SCD5: variants seen among roughly 807,000 people sequenced by gnomAD.
SCD5 encodes the protein acyl-CoA-desaturase 4.
Under a neutral mutation model 30.4 loss-of-function variants are expected in SCD5, and 20 were observed. The ratio of observed to expected loss-of-function variants is 0.66; its 90% CI spans 0.46 to 0.96. The LOEUF (loss-of-function observed/expected upper bound fraction) is 0.96. Ranked by LOEUF, SCD5 falls within the 40% of genes least tolerant of loss-of-function variation. The pLI, the probability that SCD5 is intolerant of heterozygous loss-of-function variation, is 0.00. For missense variants in SCD5, 381 were observed against 443.3 expected (o/e 0.86, Z 1.26); for synonymous variants, 173 against 176.4 (o/e 0.98, Z 0.16).
At chr4:82,699,949 C>T (rs1719782026) in intron 2 of SCD5, among the ~76,000 whole-genome samples, 1 of 151,830 alleles carries the variant, frequency 6.6e-6, no homozygotes, top group Non-Finnish European at 1.5e-5. Context: ...CATGGGCCAC[C>T]ACACCTGGCC....
chr4:82,664,987 C>CTATA (rs1482673253), intron 3 of SCD5, among the ~76,000 whole-genome samples: 14 of 108,750 alleles, frequency 1.3e-4, no homozygotes, highest in Admixed American at 4.4e-4. Flanking sequence ...CTCTCTCTCT[C>CTATA]TCTCTCTCTC....
At chr4:82,745,853 A>G (rs939073076) in intron 1 of SCD5, among the ~76,000 whole-genome samples, 1 of 152,216 alleles carries the variant, frequency 6.6e-6, no homozygotes, top group African/African-American at 2.4e-5. Context: ...TTAAGAGGCT[A>G]GACACTAAAT....
At chr4:82,719,162 A>G (rs6841367) in intron 1 of SCD5, among the ~76,000 whole-genome samples, 2 of 151,790 alleles carry the variant, frequency 1.3e-5, no homozygotes, top group African/African-American at 2.4e-5. Flanking sequence ...CTCCTGAAAC[A>G]TGGAAAGATC....
intron 1 of SCD5, among the ~76,000 whole-genome samples, chr4:82,733,768 G>A (rs1720691493): frequency 6.6e-6 from 1 of 152,096 alleles, no homozygotes; most frequent in African/African-American, 2.4e-5. Context: ...GGGGCCATGG[G>A]AATCTCCCCA....
chr4:82,646,339 C>G (rs542088033), intron 3 of SCD5, among the ~76,000 whole-genome samples: 11 of 152,248 alleles, frequency 7.2e-5, no homozygotes, highest in African/African-American at 2.6e-4. Flanking sequence ...ATGGAACATT[C>G]TCTCCCCCTT....
At chr4:82,701,382 T>C (rs921300303) in intron 2 of SCD5, among the ~76,000 whole-genome samples, 9 of 152,144 alleles carry the variant, frequency 5.9e-5, no homozygotes, top group South Asian at 2.1e-4. Context: ...AGAAACTTGG[T>C]AGATATTGAT....
At chr4:82,692,958 G>A (rs1719594858) in intron 2 of SCD5, among the ~76,000 whole-genome samples, 1 of 152,304 alleles carries the variant, frequency 6.6e-6, no homozygotes, top group South Asian at 2.1e-4. Flanking sequence ...GGCAAGCCTT[G>A]AGGCTGGGGC....
At chr4:82,672,972 AG>A (rs2148819545) in intron 3 of SCD5, among the ~76,000 whole-genome samples, 1 of 152,248 alleles carries the variant, frequency 6.6e-6, no homozygotes, top group South Asian at 2.1e-4. Flanking sequence ...ATGCAGGAAA[AG>A]CATCTGACAA....
At chr4:82,770,683 C>T (rs1402010200) in intron 1 of SCD5, among the ~76,000 whole-genome samples, 1 of 152,226 alleles carries the variant, frequency 6.6e-6, no homozygotes, top group Non-Finnish European at 1.5e-5. Flanking sequence ...CACATGTCCC[C>T]TTGGCTCTTA....
intron 3 of SCD5, among the ~76,000 whole-genome samples, chr4:82,653,676 T>TAGATAGATAGATA (rs1553914398): frequency 7.3e-6 from 1 of 136,556 alleles, no homozygotes; most frequent in Non-Finnish European, 1.5e-5. Flanking sequence ...TGAAAGTCAA[T>TAGATAGATAGATA]GATAGATAGA....
chr4:82,639,273 A>G (rs1727492189), intron 3 of SCD5, among the ~76,000 whole-genome samples: 1 of 152,168 alleles, frequency 6.6e-6, no homozygotes, highest in Admixed American at 6.5e-5. Flanking sequence ...ACCAAAGACA[A>G]CTAAGGGACT....
chr4:82,693,955 A>G (rs1719625850), intron 2 of SCD5, among the ~76,000 whole-genome samples: 1 of 152,222 alleles, frequency 6.6e-6, no homozygotes, highest in African/African-American at 2.4e-5. Flanking sequence ...TCCAGTCACA[A>G]GAGGGAATGC....
intron 3 of SCD5, among the ~76,000 whole-genome samples, chr4:82,644,905 T>C (rs1434740905): frequency 6.6e-6 from 1 of 152,218 alleles, no homozygotes; most frequent in African/African-American, 2.4e-5. Context: ...ATATTTAAGA[T>C]TAACAACCAC....
At chr4:82,719,535 GCT>G (rs1386322399) in intron 1 of SCD5, among the ~76,000 whole-genome samples, 11 of 145,072 alleles carry the variant, frequency 7.6e-5, no homozygotes, top group Admixed American at 1.4e-4. Context: ...ACGGAGCGTC[GCT>G]CTGTCGCCCA....
At chr4:82,732,155 C>T (rs1234609981) in intron 1 of SCD5, among the ~76,000 whole-genome samples, 1 of 151,970 alleles carries the variant, frequency 6.6e-6, no homozygotes, top group East Asian at 1.9e-4. Flanking sequence ...GGCTGGAGTG[C>T]AGTGGTGTGA....
At chr4:82,713,526 C>T (rs1395082840) in intron 1 of SCD5, among the ~76,000 whole-genome samples, 4 of 152,132 alleles carry the variant, frequency 2.6e-5, no homozygotes, top group South Asian at 2.1e-4. Flanking sequence ...ACTCTGTTGC[C>T]CTCTGTGTTA....
intron 1 of SCD5, among the ~76,000 whole-genome samples, chr4:82,788,812 T>C (rs958762710): frequency 6.6e-6 from 1 of 152,222 alleles, no homozygotes; most frequent in Non-Finnish European, 1.5e-5. Flanking sequence ...CCATAGGACA[T>C]TGACTCCATG....
At chr4:82,721,631 G>A (rs1720371228) in intron 1 of SCD5, among the ~76,000 whole-genome samples, 1 of 152,224 alleles carries the variant, frequency 6.6e-6, no homozygotes, top group South Asian at 2.1e-4. Context: ...AAAACAATGT[G>A]AAGAGACATA....
At chr4:82,757,714 A>C (rs1454855710) in intron 1 of SCD5, among the ~76,000 whole-genome samples, 1 of 152,218 alleles carries the variant, frequency 6.6e-6, no homozygotes, top group Admixed American at 6.5e-5. Flanking sequence ...CCTCGTCTGC[A>C]AAATGGGGAT....
Sources: allele counts gnomAD v4.1 joint callset (sites outside exome capture counted in the v4.1 genomes callset), GRCh38; gene constraint gnomAD v4.1.1; transcripts MANE v1.5; gene names NCBI Gene and HGNC (gene_info 2026-07-23, HGNC 2026-07-21).